Variants in OR9Q1 observed in about 807,000 individuals in gnomAD.
OR9Q1 encodes the protein olfactory receptor 9Q1.
For synonymous variants in OR9Q1, 153 were observed against 148.6 expected (o/e 1.03, Z -0.22); for missense variants, 374 against 378.8 (o/e 0.99, Z 0.11).
chr11:58,124,686 G>A (rs986320508), intron 2 of OR9Q1: 4 of 152,118 alleles, frequency 2.6e-5, no homozygotes, highest in Admixed American at 1.3e-4. Context: ...TTACAGATGA[G>A]GAAATGAAGG....
At chr11:58,176,218 C>T (rs1854605298) in intron 2 of OR9Q1, among the ~76,000 whole-genome samples, 1 of 151,904 alleles carries the variant, frequency 6.6e-6, no homozygotes, top group Non-Finnish European at 1.5e-5. Flanking sequence ...TGACATTGTT[C>T]TGATGGAAGA....
intron 2 of OR9Q1, among the ~76,000 whole-genome samples, chr11:58,149,572 T>C (rs1001274369): frequency 6.6e-6 from 1 of 152,178 alleles, no homozygotes; most frequent in Admixed American, 6.6e-5. Flanking sequence ...TCCAGAACTT[T>C]TTTCATCATC....
intron 2 of OR9Q1, among the ~76,000 whole-genome samples, chr11:58,132,062 A>G (rs938021844): frequency 6.6e-6 from 1 of 152,178 alleles, no homozygotes; most frequent in Admixed American, 6.5e-5. Flanking sequence ...CAACTTTCTG[A>G]CTATCCCAGG....
chr11:58,079,246 C>CT lies in OR9Q1; in HGVS notation c.-15+23312dup, dbSNP rs111619553. Among the ~76,000 whole-genome samples, 484 of 143,864 alleles carry CT rather than the reference C, an allele frequency of 3.4e-3. 2 individuals are homozygous for CT. The highest frequency in any genetic ancestry group is 9.4e-3 in the African/African-American group (373 of 39,524). 94.4% of individuals were successfully genotyped at this position (143,864 alleles called of 152,430 possible). A position where few individuals can be genotyped will look rare whatever the true frequency, so the allele number is the denominator to read the frequency against. On this transcript the variant is annotated intron_variant, in intron 2 of 2. Transcript: ENST00000335397. Reference sequence around the variant, plus strand: ...CTCAGTTGTACTCTGAGTTCTGAGTCTTTTTTTTTTTTTATCTTGCTGGTG... The same window carrying CT: ...CTCAGTTGTACTCTGAGTTCTGAGTCTTTTTTTTTTTTTTATCTTGCTGGTG...
At chr11:58,153,813 T>C (rs916005553) in intron 2 of OR9Q1, among the ~76,000 whole-genome samples, 1 of 152,118 alleles carries the variant, frequency 6.6e-6, no homozygotes, top group Admixed American at 6.5e-5. Context: ...AGAATATTAA[T>C]AGTGTCACTA....
chr11:58,045,514 G>T (rs1255064379), intron 1 of OR9Q1, among the ~76,000 whole-genome samples: 12 of 152,172 alleles, frequency 7.9e-5, no homozygotes, highest in African/African-American at 2.7e-4. Context: ...GATCACAGAC[G>T]TGAGCCACCA....
intron 2 of OR9Q1, among the ~76,000 whole-genome samples, chr11:58,106,427 T>C (rs1231059921): frequency 6.6e-6 from 1 of 152,126 alleles, no homozygotes; most frequent in African/African-American, 2.4e-5. Context: ...TTGCAAATAT[T>C]TTTTCCCATT....
chr11:58,109,006 A>C (rs144423426), intron 2 of OR9Q1: 129 of 434,622 alleles, frequency 3.0e-4, no homozygotes, highest in African/African-American at 2.3e-3. Context: ...GATAATGAGC[A>C]TGTAGCAGAT....
chr11:58,149,859 TC>T (rs1209267124), intron 2 of OR9Q1, among the ~76,000 whole-genome samples: 3 of 152,236 alleles, frequency 2.0e-5, no homozygotes, highest in Admixed American at 1.3e-4. Flanking sequence ...TATCTGTTAA[TC>T]TGTTGGTGGA....
chr11:58,109,100 C>G, intron 2 of OR9Q1: 1 of 492,098 alleles, frequency 2.0e-6, no homozygotes, highest in Non-Finnish European at 4.1e-6. Context: ...CTGCTGCAGG[C>G]GAGCTTCAGC....
intron 2 of OR9Q1, chr11:58,118,515 C>T: frequency 6.2e-7 from 1 of 1,601,912 alleles, no homozygotes; most frequent in Non-Finnish European, 8.5e-7. Flanking sequence ...TGCTCAGGGA[C>T]ACCTGGAGTC....
intron 2 of OR9Q1, among the ~76,000 whole-genome samples, chr11:58,098,700 T>C (rs755345954): frequency 1.2e-4 from 18 of 152,168 alleles, no homozygotes; most frequent in Non-Finnish European, 2.5e-4. Flanking sequence ...TAATTGACAT[T>C]CATCTGTTTT....
intron 2 of OR9Q1, among the ~76,000 whole-genome samples, chr11:58,161,562 TAGACAGAGC>T (rs1854458268): frequency 6.6e-6 from 1 of 151,624 alleles, no homozygotes. Context: ...TTTTTTTTTT[TAGACAGAGC>T]CTTACTCTGT....
At chr11:58,179,398 T>C in intron 2 of OR9Q1, 33 bp from the exon 3 acceptor site, 1 of 1,313,194 alleles carries the variant, frequency 7.6e-7, no homozygotes, top group Non-Finnish European at 1.1e-6. Context: ...TATTTGCACC[T>C]TCCTAACTTG....
At chr11:58,066,792 GC>G (rs1353397519) in intron 2 of OR9Q1, among the ~76,000 whole-genome samples, 2 of 152,108 alleles carry the variant, frequency 1.3e-5, no homozygotes, top group Non-Finnish European at 2.9e-5. Context: ...GGCCTCCTGG[GC>G]CCACACCCCA....
chr11:58,120,801 A>G (rs1301025522), intron 2 of OR9Q1, among the ~76,000 whole-genome samples: 1 of 82,504 alleles, frequency 1.2e-5, no homozygotes. Context: ...TTATTTCAAT[A>G]CCATATATAT....
chr11:58,106,045 G>A (rs556772077), intron 2 of OR9Q1, among the ~76,000 whole-genome samples: 2 of 151,832 alleles, frequency 1.3e-5, no homozygotes, highest in Admixed American at 6.6e-5. Context: ...ACTCTCTACT[G>A]TTTCCCATAG....
chr11:58,125,255 A>AG (rs1854080368), intron 2 of OR9Q1: 1 of 122,926 alleles, frequency 8.1e-6, no homozygotes, highest in East Asian at 3.1e-4. Flanking sequence ...CCCCCAAAAA[A>AG]AAGCTGATCC....
chr11:58,143,548 C>T lies in OR9Q1; in HGVS notation c.-14-35883C>T, dbSNP rs547161162. On this transcript the variant is annotated intron_variant, in intron 2 of 2. Transcript: ENST00000335397. ...ATCTGGGTCACTTTACTTCTTTTGC[C>T]CTCATATTCTTCTGTCAAAAATAGG... is the stretch of plus-strand genomic sequence containing the variant. Among the ~76,000 whole-genome samples, 6 of 152,232 alleles carry T rather than the reference C, an allele frequency of 3.9e-5. No homozygotes were observed. The South Asian group carries it at 1.2e-3, about 32-fold the overall frequency.
Sources: gnomAD v4.1 joint callset for allele counts (sites outside exome capture counted in the v4.1 genomes callset) on GRCh38, gnomAD v4.1.1 for gene constraint, MANE v1.5 for transcripts, NCBI Gene and HGNC (gene_info 2026-07-23, HGNC 2026-07-21) for gene names.